The following NBEA variants were observed in gnomAD, a reference collection of about 807,000 sequenced individuals.
The protein encoded by NBEA is neurobeachin.
NBEA carries 44 observed loss-of-function variants against 343.4 expected under a neutral mutation model. The ratio of observed to expected loss-of-function variants is 0.13; its 90% confidence interval spans 0.10 to 0.16. NBEA has a LOEUF of 0.16. Among genes scored for constraint, NBEA ranks in the 10% least tolerant of loss-of-function variants. The probability of loss-of-function intolerance (pLI) is 1.00; values close to 1 mark genes in which losing one functional copy is unlikely to be tolerated. For synonymous variants in NBEA, 1,175 were observed against 1,238.7 expected, an observed-to-expected ratio of 0.95 and a Z score of 1.08; for missense variants, 2,555 against 3,631.3, an observed-to-expected ratio of 0.70 and a Z score of 7.62.
chr13:35,530,537 T>C (rs1250239970), intron 41 of NBEA, among the ~76,000 whole-genome samples: 1 of 152,242 alleles, frequency 6.6e-6, no homozygotes, highest in Admixed American at 6.5e-5. Context: ...TGACAAATTT[T>C]GATCTGTGCA....
At chr13:35,644,248 G>A (rs2084109479) in intron 49 of NBEA, among the ~76,000 whole-genome samples, 1 of 152,170 alleles carries the variant, frequency 6.6e-6, no homozygotes. Flanking sequence ...AAAGGATAAA[G>A]TTAGTCACAA....
At chr13:35,002,527 A>G (rs1216508346) in intron 1 of NBEA, among the ~76,000 whole-genome samples, 1 of 152,220 alleles carries the variant, frequency 6.6e-6, no homozygotes, top group Non-Finnish European at 1.5e-5. Flanking sequence ...CCCCTCTTCT[A>G]ATAGTTAAAG....
intron 1 of NBEA, among the ~76,000 whole-genome samples, chr13:34,988,394 C>T (rs866547459): frequency 2.6e-5 from 4 of 151,216 alleles, no homozygotes; most frequent in Non-Finnish European, 4.4e-5. Flanking sequence ...ATGCCCTGCC[C>T]CCAGAGGTGG....
intron 21 of NBEA, 56 bp downstream of exon 21, chr13:35,157,326 G>C: frequency 7.8e-7 from 1 of 1,285,512 alleles, no homozygotes; most frequent in Non-Finnish European, 1.0e-6. Flanking sequence ...GGATTAAATG[G>C]CTACAAACAT....
intron 1 of NBEA, among the ~76,000 whole-genome samples, chr13:34,955,507 G>A (rs1181603806): frequency 1.3e-5 from 2 of 152,130 alleles, no homozygotes; most frequent in South Asian, 2.1e-4. Flanking sequence ...ATGGGTAGAC[G>A]TCTTGTGAAA....
chr13:35,125,795 A>C (rs1329075649), intron 17 of NBEA, among the ~76,000 whole-genome samples: 1 of 152,130 alleles, frequency 6.6e-6, no homozygotes, highest in Non-Finnish European at 1.5e-5. Context: ...TTTTGATTTA[A>C]AAATTTCATA....
chr13:35,048,340 T>TTACATTATTCAAATGCA (rs2062939149), intron 4 of NBEA, among the ~76,000 whole-genome samples: 1 of 151,940 alleles, frequency 6.6e-6, no homozygotes, highest in East Asian at 1.9e-4. Context: ...AAAATCTAAT[T>TTACATTATTCAAATGCA]CACTGAGCAT....
chr13:35,385,122 G>A (rs1199732327), intron 38 of NBEA, among the ~76,000 whole-genome samples: 1 of 151,992 alleles, frequency 6.6e-6, no homozygotes, highest in Admixed American at 6.6e-5. Flanking sequence ...TTTAGTCTCT[G>A]CTGCATTAAA....
chr13:35,256,697 T>TGATA (rs1226647602), intron 34 of NBEA, among the ~76,000 whole-genome samples: 1 of 152,056 alleles, frequency 6.6e-6, no homozygotes, highest in Admixed American at 6.6e-5. Flanking sequence ...GGGGCCAAGG[T>TGATA]GATAAGGCTG....
chr13:35,460,402 C>T (rs986768278), intron 40 of NBEA, among the ~76,000 whole-genome samples: 2 of 152,174 alleles, frequency 1.3e-5, no homozygotes, highest in African/African-American at 4.8e-5. Flanking sequence ...ACACAGAATT[C>T]ACAAAGCTCT....
intron 33 of NBEA, among the ~76,000 whole-genome samples, chr13:35,230,997 G>GA (rs1206114306): frequency 6.6e-6 from 1 of 151,966 alleles, no homozygotes; most frequent in African/African-American, 2.4e-5. Context: ...CTTGCTTTAG[G>GA]AATTACAGAG....
chr13:35,185,735 T>G (rs1303404880), intron 30 of NBEA: 1 of 152,194 alleles, frequency 6.6e-6, no homozygotes, highest in Non-Finnish European at 1.5e-5. Flanking sequence ...AACAGTGGTG[T>G]TAGTAGCATA....
chr13:35,320,589 C>T (rs1252885978), intron 36 of NBEA, among the ~76,000 whole-genome samples: 1 of 152,062 alleles, frequency 6.6e-6, no homozygotes, highest in Non-Finnish European at 1.5e-5. Context: ...TTGCTCTTCT[C>T]GAGGAGTATC....
chr13:35,473,232 G>T (rs1566185302), intron 41 of NBEA, among the ~76,000 whole-genome samples: 3 of 152,110 alleles, frequency 2.0e-5, no homozygotes, highest in Admixed American at 2.0e-4. Flanking sequence ...CATTTTCTGA[G>T]ATCTGTTCTA....
chr13:35,610,490 A>G (rs1233716125), intron 48 of NBEA, among the ~76,000 whole-genome samples: 2 of 143,824 alleles, frequency 1.4e-5, no homozygotes, highest in East Asian at 2.0e-4. Context: ...TTGGATATCT[A>G]TATCCAAAAA....
intron 17 of NBEA, among the ~76,000 whole-genome samples, chr13:35,134,905 T>A (rs1290256460): frequency 6.6e-6 from 1 of 151,992 alleles, no homozygotes; most frequent in African/African-American, 2.4e-5. Context: ...GGACAGATTA[T>A]AATAATTATA....
chr13:34,973,519 C>T (rs910828184), intron 1 of NBEA, among the ~76,000 whole-genome samples: 7 of 151,750 alleles, frequency 4.6e-5, no homozygotes, highest in South Asian at 2.1e-4. Context: ...GTCCCCCTTG[C>T]GAGGTCATGC....
At chr13:35,413,784 T>A (rs993457855) in intron 38 of NBEA, among the ~76,000 whole-genome samples, 3 of 152,176 alleles carry the variant, frequency 2.0e-5, no homozygotes, top group African/African-American at 7.2e-5. Flanking sequence ...GCCACACTCA[T>A]GAACAAAATA....
At chr13:35,277,040 T>C (rs1258269674) in intron 34 of NBEA, among the ~76,000 whole-genome samples, 2 of 152,166 alleles carry the variant, frequency 1.3e-5, no homozygotes, top group Non-Finnish European at 2.9e-5. Flanking sequence ...AACATAAGCA[T>C]CTGTGGCCCC....
Sources: allele counts gnomAD v4.1 joint callset (sites outside exome capture counted in the v4.1 genomes callset), GRCh38; gene constraint gnomAD v4.1.1; transcripts MANE v1.5; gene names NCBI Gene and HGNC (gene_info 2026-07-23, HGNC 2026-07-21).